The following ODF2L variants were observed in gnomAD, a reference collection of about 807,000 sequenced individuals.
ODF2L encodes outer dense fiber of sperm tails 2 like.
In ODF2L, 76 loss-of-function variants were observed where a neutral mutation model predicts 86.3. The ratio of observed to expected loss-of-function variants is 0.88; its 90% CI spans 0.73 to 1.07. ODF2L has a LOEUF of 1.07. Ranked by LOEUF, ODF2L falls within the 50% of genes least tolerant of loss-of-function variation. ODF2L has a pLI of 0.00. For synonymous variants in ODF2L, 241 were observed against 231.3 expected (o/e 1.04, Z -0.38); for missense variants, 748 against 717.4 (o/e 1.04, Z -0.49).
At chr1:86,371,805 C>A (rs1659802008) in intron 9 of ODF2L, among the ~76,000 whole-genome samples, 2 of 152,038 alleles carry the variant, frequency 1.3e-5, no homozygotes, top group African/African-American at 2.4e-5. Context: ...AGAAACATCA[C>A]CTCCATTTAA....
chr1:86,375,865 C>G (rs1660132434), intron 8 of ODF2L, among the ~76,000 whole-genome samples: 3 of 152,168 alleles, frequency 2.0e-5, no homozygotes, highest in Admixed American at 6.6e-5. Flanking sequence ...TCCACTGTTT[C>G]TGAAAGCCTT....
rs1570424635 is a variant in ODF2L at position 86,383,198 on chromosome 1, T to C, written c.373-2A>G. 1.3e-6 allele frequency: 2 copies of C among 1,535,338 alleles called. No homozygotes were observed. The highest frequency in any genetic ancestry group is 1.8e-6 in the Non-Finnish European group (2 of 1,127,124). Reference sequence around the variant, plus strand: ...CATGCTGGATAAATTGTCTCCTGTCTGAGAAAAGAATGTTATAAATCAGTG... The same window carrying C: ...CATGCTGGATAAATTGTCTCCTGTCCGAGAAAAGAATGTTATAAATCAGTG... On this transcript the variant is annotated splice_acceptor_variant, in intron 4 of 17. Coordinates refer to ENST00000317336, the Ensembl canonical transcript of ODF2L. LOFTEE classifies it high-confidence loss of function.
chr1:86,357,798 C>A, intron 13 of ODF2L: 1 of 983,488 alleles, frequency 1.0e-6, no homozygotes, highest in Non-Finnish European at 1.2e-6. Flanking sequence ...AACATTGTGA[C>A]CTCACAGTAT....
At chr1:86,370,261 T>C (rs1659703252) in intron 10 of ODF2L, among the ~76,000 whole-genome samples, 1 of 152,124 alleles carries the variant, frequency 6.6e-6, no homozygotes, top group Admixed American at 6.5e-5. Context: ...ATAGAATAAA[T>C]GTATTATCAT....
rs190488594 is a variant in ODF2L, at chr1:86,373,656, A to C, written c.811-1116T>G. The stretch of plus-strand genomic sequence containing the variant: ...CTATAGAGAGAAGATGGTAACAAAC[A>C]CATAAGCATCAGAGGAGAAAGCCCC... On this transcript the variant is annotated intron_variant, in intron 8 of 17. Coordinates refer to ENST00000317336, the Ensembl canonical transcript of ODF2L. Among the ~76,000 whole-genome samples the C allele has an allele frequency of 5.3e-5, 8 of 152,196 alleles. No individual in the cohort carries two copies. The East Asian group carries it at 1.5e-3, about 29-fold the overall frequency.
At chr1:86,392,809 G>A (rs1470437675) in intron 1 of ODF2L, among the ~76,000 whole-genome samples, 37 of 151,806 alleles carry the variant, frequency 2.4e-4, no homozygotes, top group Admixed American at 2.4e-3. Context: ...AAAAACCTAT[G>A]GAAATAAAAA....
chr1:86,348,813 T>C (rs781353934), downstream of ODF2L: 2 of 1,559,198 alleles, frequency 1.3e-6, no homozygotes, highest in Non-Finnish European at 1.7e-6. Context: ...TACTCTCATT[T>C]TGATTTTCCG....
At chr1:86,387,431 T>C (rs1325357510) in intron 1 of ODF2L, among the ~76,000 whole-genome samples, 2 of 152,232 alleles carry the variant, frequency 1.3e-5, no homozygotes, top group Non-Finnish European at 2.9e-5. Flanking sequence ...TTACCTATAG[T>C]CTGTCTTATT....
chr1:86,394,840 C>CCT (rs372499924), intron 1 of ODF2L, among the ~76,000 whole-genome samples: 1 of 129,316 alleles, frequency 7.7e-6, no homozygotes, highest in Non-Finnish European at 1.6e-5. Context: ...TTTCTTTTTC[C>CCT]TTTTTTTTTT....
intron 13 of ODF2L, among the ~76,000 whole-genome samples, chr1:86,357,409 CT>C (rs1189237459): frequency 7.3e-5 from 11 of 150,820 alleles, no homozygotes; most frequent in African/African-American, 2.7e-4. Flanking sequence ...ACAGGGAATG[CT>C]TCCTAAAACT....
At chr1:86,376,349 T>G (rs1469643798) in exon 8 of ODF2L, 6 of 1,612,960 alleles carry the variant, frequency 3.7e-6, no homozygotes, top group Non-Finnish European at 5.1e-6. Flanking sequence ...CTTGCTTCTT[T>G]CATCACTATA....
chr1:86,367,555 GA>G lies in ODF2L; in HGVS notation c.1143+1080del, dbSNP rs560579612. On this transcript the variant is annotated intron_variant, in intron 11 of 17. Coordinates refer to ENST00000317336, the Ensembl canonical transcript of ODF2L. ...GATAGGATGAAGAATTTCAAGAAGG[GA>G]AAAAAAAAAACAAAACAACAACAAA... Among the ~76,000 whole-genome samples the G allele has an allele frequency of 2.9e-3, 360 of 122,448 alleles. 2 individuals carry two copies. Among genetic ancestry groups the G allele is most frequent in the African/African-American group, 9.9e-3 (323 of 32,754 alleles). 80.3% of individuals were successfully genotyped at this position (122,448 alleles called of 152,430 possible).
In ODF2L at chr1:86,388,573, C is replaced by CT. The variant is rs966911952; in HGVS notation, c.-59-1488dup. Among the ~76,000 whole-genome samples, 262 of 150,662 alleles carry CT rather than the reference C, an allele frequency of 1.7e-3. 1 individual carries two copies. Among genetic ancestry groups the CT allele is most frequent in the African/African-American group, 5.7e-3 (234 of 41,266 alleles). ...AAAGAATATAATGACTAAAGACTGCCTTTTTTTTTAAATTCACCCCTTGAT... is the reference window on the plus strand; with the variant it reads ...AAAGAATATAATGACTAAAGACTGCCTTTTTTTTTTAAATTCACCCCTTGAT... On this transcript the variant is annotated intron_variant, in intron 1 of 17. Coordinates refer to ENST00000317336, the Ensembl canonical transcript of ODF2L.
At chr1:86,382,027 G>C (rs1660623405) in intron 7 of ODF2L, 2 of 442,872 alleles carry the variant, frequency 4.5e-6, no homozygotes, top group Non-Finnish European at 6.9e-6. Flanking sequence ...ATCCTTCCTA[G>C]ATTGGTATTA....
chr1:86,354,919 C>A, intron 14 of ODF2L, 60 bp from the exon 14 acceptor site: 1 of 922,124 alleles, frequency 1.1e-6, no homozygotes, highest in Non-Finnish European at 1.7e-6. Context: ...CCAAAGAAAT[C>A]CATATAATTT....
At chr1:86,388,734 T>A (rs1323334342) in intron 1 of ODF2L, among the ~76,000 whole-genome samples, 3 of 152,154 alleles carry the variant, frequency 2.0e-5, no homozygotes, top group African/African-American at 7.2e-5. Flanking sequence ...GTATCGGTAT[T>A]TTATACACAA....
chr1:86,372,145 C>T (rs374114549), intron 9 of ODF2L, among the ~76,000 whole-genome samples: 2 of 148,388 alleles, frequency 1.3e-5, no homozygotes, highest in Admixed American at 6.7e-5. Flanking sequence ...GCTGAGATTG[C>T]ACCACTGCAC....
At chr1:86,380,745 A>G (rs1558049548) in intron 7 of ODF2L, among the ~76,000 whole-genome samples, 1 of 152,150 alleles carries the variant, frequency 6.6e-6, no homozygotes, top group Non-Finnish European at 1.5e-5. Context: ...TATACAGACA[A>G]TCATTCTCAG....
intron 4 of ODF2L, among the ~76,000 whole-genome samples, chr1:86,383,610 A>T (rs1227232297): frequency 6.6e-6 from 1 of 151,834 alleles, no homozygotes; most frequent in African/African-American, 2.4e-5. Context: ...AATTCTATAT[A>T]GCCATTTTAA....
Sources: allele counts gnomAD v4.1 joint callset (sites outside exome capture counted in the v4.1 genomes callset), GRCh38; gene constraint gnomAD v4.1.1; transcripts MANE v1.5; gene names NCBI Gene and HGNC (gene_info 2026-07-23, HGNC 2026-07-21).